GDPD3: variants seen among roughly 807,000 people sequenced by gnomAD.
The protein encoded by GDPD3 is lysophospholipase D GDPD3.
GDPD3 carries 40 observed loss-of-function variants against 43.7 expected under a neutral mutation model. That is an observed-to-expected ratio of 0.91 (90% CI 0.71 to 1.19). The LOEUF is 1.19. Ranked by LOEUF, GDPD3 falls within the 50% of genes most tolerant of loss-of-function variation. The probability of loss-of-function intolerance (pLI) is 0.00; values close to 1 mark genes in which losing one functional copy is unlikely to be tolerated. For missense variants in GDPD3, 363 were observed against 415.8 expected (o/e 0.87, Z 1.11); for synonymous variants, 145 against 162.9 (o/e 0.89, Z 0.84).
intron 7 of GDPD3, 164 bp downstream of exon 7, chr16:30,111,224 A>C (rs2072896259): frequency 1.3e-6 from 1 of 758,106 alleles, no homozygotes; most frequent in Non-Finnish European, 2.2e-6. Context: ...CAGGGTGTTC[A>C]CAGTTCCCTT....
intron 9 of GDPD3, chr16:30,107,563 T>G (rs2072868829): frequency 6.6e-6 from 1 of 152,086 alleles, no homozygotes; most frequent in African/African-American, 2.4e-5. Flanking sequence ...GTTTCTCCCA[T>G]CTCTCATCTT....
rs769645432 is a variant in GDPD3, at chr16:30,113,121, C to A, written c.140-57G>T. ...CTTGGGGTCTAGGGGCCTGGCCCAA[C>A]CTCATCACCCACATTCCCTCTCTGG... On this transcript the variant is annotated intron_variant, in intron 1 of 9. Transcript: ENST00000406256. The surrounding 1 kb of genome is among the most constrained non-coding windows in gnomAD (Gnocchi z 5.9). 2 of 1,491,170 alleles carry A rather than the reference C, an allele frequency of 1.3e-6. No homozygotes were observed. The highest frequency in any genetic ancestry group is 1.9e-6 in the Non-Finnish European group (2 of 1,076,778). 92.4% of individuals were successfully genotyped at this position (1,491,170 alleles called of 1,614,324 possible). A position where few individuals can be genotyped will look rare whatever the true frequency, so the allele number is the denominator to read the frequency against.
chr16:30,112,626 G>C lies in GDPD3; in HGVS notation c.318+32C>G, dbSNP rs1344277006. 4 of 1,613,924 alleles carry C rather than the reference G, an allele frequency of 2.5e-6. No homozygotes were observed. The highest frequency in any genetic ancestry group is 3.4e-6 in the Non-Finnish European group (4 of 1,179,956). ...CCGCATTGGGCATGGTGACTCTCAG[G>C]GTGGGGGTTGGGGTGTCAGGGCAGG... On this transcript the variant is annotated intron_variant, in intron 3 of 9. Coordinates refer to ENST00000406256, the MANE Select transcript of GDPD3 (RefSeq NM_024307.3). The surrounding 1 kb of genome is among the most constrained non-coding windows in gnomAD (Gnocchi z 5.4).
intron 7 of GDPD3, 169 bp from the exon 8 acceptor site, chr16:30,108,601 A>G (rs1299304034): frequency 3.2e-6 from 2 of 633,942 alleles, no homozygotes; most frequent in East Asian, 5.6e-5. Flanking sequence ...CATTGTTCAG[A>G]GAGCCTACTC....
At chr16:30,106,193 C>T (rs1241360897) in intron 9 of GDPD3, among the ~76,000 whole-genome samples, 4 of 152,144 alleles carry the variant, frequency 2.6e-5, no homozygotes, top group African/African-American at 9.7e-5. Flanking sequence ...TCTTGCTAAT[C>T]AGTTTCCTAT....
chr16:30,108,042 T>G, intron 9 of GDPD3, 171 bp downstream of exon 9: 1 of 244,770 alleles, frequency 4.1e-6, no homozygotes. Context: ...TGTGTGTTCG[T>G]GTGTGTGTGT....
At position 30,113,350 on chromosome 16, in the gene GDPD3, G is replaced by C. The variant is rs530959231; in HGVS notation, c.129C>G (p.Ala43=). Residue 43 remains alanine, a synonymous_variant, in exon 1 of 10, where the codon GCC becomes GCG. Coordinates refer to ENST00000406256, the MANE Select transcript of GDPD3 (RefSeq NM_024307.3). The surrounding 1 kb of genome is among the most constrained non-coding windows in gnomAD (Gnocchi z 5.9). ...CCCTACCCGGCTCACCTCCTCGGTG[G>C]GCCCCCAGGCGGATGCGGAAGGTGG... The part of the protein sequence containing the change: ...RAPTFRIRLG[A]HRGGSGELLE... The C allele has an allele frequency of 3.1e-6, 5 of 1,602,192 alleles. No individual in the cohort carries two copies. The African/African-American group carries it at 6.7e-5, about 21-fold the overall frequency.
intron 7 of GDPD3, 38 bp from the exon 8 acceptor site, chr16:30,108,470 C>T (rs779189218): frequency 6.3e-7 from 1 of 1,599,806 alleles, no homozygotes; most frequent in Non-Finnish European, 8.6e-7. Flanking sequence ...CTCCTAGGGT[C>T]TCCCCTGTCC....
At position 30,113,007 on chromosome 16, in the gene GDPD3, G is replaced by C; in HGVS notation, c.182+15C>G. The C allele has an allele frequency of 6.2e-7, 1 of 1,611,616 alleles. No homozygotes were observed. Among genetic ancestry groups the C allele is most frequent in the Non-Finnish European group, 8.5e-7 (1 of 1,178,226 alleles). Reference sequence around the variant, plus strand: ...ACCCTCACATGGCAGCCTGGGCAGGGGCAGATACACTCACTTCTCCATGGC... The same window carrying C: ...ACCCTCACATGGCAGCCTGGGCAGGCGCAGATACACTCACTTCTCCATGGC... On this transcript the variant is annotated intron_variant, in intron 2 of 9. Transcript: ENST00000406256. This position sits in a 1 kb window ranked among gnomAD's most constrained non-coding sequence, Gnocchi z 5.9.
At position 30,112,138 on chromosome 16, in the gene GDPD3, C is replaced by T. The variant is rs2072904095; in HGVS notation, c.567G>A (p.Lys189=). The T allele has an allele frequency of 1.2e-6, 2 of 1,613,514 alleles. No individual in the cohort carries two copies. The highest frequency in any genetic ancestry group is 1.7e-6 in the Non-Finnish European group (2 of 1,179,682). Residue 189 remains lysine, a synonymous_variant, in exon 6 of 10, where the codon AAG becomes AAA. Coordinates refer to ENST00000406256, the MANE Select transcript of GDPD3 (RefSeq NM_024307.3). This position sits in a 1 kb window ranked among gnomAD's most constrained non-coding sequence, Gnocchi z 5.4. The part of the protein sequence containing the change: ...SEKSSVMKKC[K]AANPEMPLSF... ...GAGGGGTGGGGGGACTCACGGCAGCCTTGCATTTCTTCATGACCGAGCTCT... is the reference window on the plus strand; with the variant it reads ...GAGGGGTGGGGGGACTCACGGCAGCTTTGCATTTCTTCATGACCGAGCTCT...
rs142703434 is a variant in GDPD3, at chr16:30,106,908, A to G, written c.819+1305T>C. Among the ~76,000 whole-genome samples, 1,136 of 152,092 alleles carry G rather than the reference A, an allele frequency of 7.5e-3. 6 individuals carry two copies. The highest frequency in any genetic ancestry group is 0.012 in the Non-Finnish European group (782 of 67,984). On this transcript the variant is annotated intron_variant, in intron 9 of 9. Transcript: ENST00000406256. ...ATTTTTAGTAGAGATGGGGTTTCAC[A>G]ATGTTGGCCAGGCTGGTCTCGAACT... is the stretch of plus-strand genomic sequence containing the variant.
At chr16:30,105,103 C>T (rs2072847206) in intron 9 of GDPD3, 94 bp from the exon 10 acceptor site, 4 of 1,011,730 alleles carry the variant, frequency 4.0e-6, no homozygotes, top group Non-Finnish European at 5.9e-6. Context: ...TCCCCAGCAG[C>T]AGTAGGCTGG....
At chr16:30,111,330 T>C in intron 7 of GDPD3, 58 bp downstream of exon 7, 1 of 1,582,110 alleles carries the variant, frequency 6.3e-7, no homozygotes, top group Non-Finnish European at 8.6e-7. Flanking sequence ...CTGGGCTCCT[T>C]CTCCACGGAG....
At chr16:30,108,528 G>A (rs958893195) in intron 7 of GDPD3, 96 bp from the exon 8 acceptor site, 3 of 1,068,622 alleles carry the variant, frequency 2.8e-6, no homozygotes, top group Non-Finnish European at 4.4e-6. Context: ...GGGTAGCGCT[G>A]CCCTCCCACC....
chr16:30,105,798 C>T (rs1364068121), intron 9 of GDPD3, among the ~76,000 whole-genome samples: 10 of 149,822 alleles, frequency 6.7e-5, no homozygotes, highest in Middle Eastern at 3.4e-3. Flanking sequence ...CCACCGCGCC[C>T]GGCCCTAAAT....
At position 30,113,332 on chromosome 16, in the gene GDPD3, C is replaced by T. The variant is rs200410794; in HGVS notation, c.139+8G>A. On this transcript the variant is annotated splice_region_variant and intron_variant, in intron 1 of 9. Transcript: ENST00000406256. This position sits in a 1 kb window ranked among gnomAD's most constrained non-coding sequence, Gnocchi z 5.9. ...TTTGGCACCTGTTCTCACCCCTACCCGGCTCACCTCCTCGGTGGGCCCCCA... is the reference window on the plus strand; with the variant it reads ...TTTGGCACCTGTTCTCACCCCTACCTGGCTCACCTCCTCGGTGGGCCCCCA... 44 of 1,591,374 alleles carry T rather than the reference C, an allele frequency of 2.8e-5. No individual in the cohort carries two copies. In the Admixed American group the frequency reaches 3.6e-4, roughly 13 times the overall value.
Position 30,112,959 on chromosome 16 carries a change from G to A in GDPD3, c.182+63C>T. On this transcript the variant is annotated intron_variant, in intron 2 of 9. Transcript: ENST00000406256. This position sits in a 1 kb window ranked among gnomAD's most constrained non-coding sequence, Gnocchi z 5.4. ...TAGGAAGTGAATGGCGTCCCTTGCTGTGATGCAGTCCACGACCTGCACACC... is the reference window on the plus strand; with the variant it reads ...TAGGAAGTGAATGGCGTCCCTTGCTATGATGCAGTCCACGACCTGCACACC... The A allele has an allele frequency of 4.5e-6, 7 of 1,549,772 alleles. No homozygotes were observed. In the South Asian group the frequency reaches 7.8e-5, roughly 17 times the overall value.
intron 7 of GDPD3, among the ~76,000 whole-genome samples, chr16:30,110,056 T>C (rs181636493): frequency 6.6e-5 from 10 of 152,252 alleles, no homozygotes; most frequent in African/African-American, 2.4e-4. Flanking sequence ...TCAGATTCTC[T>C]AGGGTACCAT....
chr16:30,108,059 A>G, intron 9 of GDPD3, 154 bp downstream of exon 9: 2 of 592,320 alleles, frequency 3.4e-6, no homozygotes, highest in South Asian at 4.0e-5. Context: ...GTGTGTGTGT[A>G]TCCAGAGAGT....
Sources: gnomAD v4.1 joint callset for allele counts (sites outside exome capture counted in the v4.1 genomes callset) on GRCh38, gnomAD v4.1.1 for gene constraint, Gnocchi (gnomAD v3.1) non-coding constraint, MANE v1.5 for transcripts, NCBI Gene and HGNC (gene_info 2026-07-23, HGNC 2026-07-21) for gene names.